Variants in NAF1 observed in about 807,000 individuals in gnomAD.
NAF1 encodes nuclear assembly factor 1 ribonucleoprotein, also known as H/ACA ribonucleoprotein complex non-core subunit NAF1.
NAF1 carries 11 observed loss-of-function variants against 40.6 expected under a neutral mutation model. The ratio of observed to expected loss-of-function variants is 0.27; its 90% CI spans 0.17 to 0.45. The LOEUF is 0.45. Ranked by LOEUF, NAF1 falls within the 20% of genes least tolerant of loss-of-function variation. NAF1 has a pLI of 1.00. For synonymous variants in NAF1, 260 were observed against 228.5 expected (o/e 1.14, Z -1.24); for missense variants, 607 against 611.1 (o/e 0.99, Z 0.07).
At chr4:163,116,823 AC>A (rs1199680976) in intron 2 of NAF1, among the ~76,000 whole-genome samples, 2 of 151,976 alleles carry the variant, frequency 1.3e-5, no homozygotes, top group Non-Finnish European at 2.9e-5. Flanking sequence ...TTTTTCAGGG[AC>A]GACCACCCTA....
intron 5 of NAF1, among the ~76,000 whole-genome samples, chr4:163,138,750 A>G (rs1380169142): frequency 6.6e-6 from 1 of 152,156 alleles, no homozygotes; most frequent in South Asian, 2.1e-4. Flanking sequence ...CCAAAGACTG[A>G]GTCTATTATC....
At chr4:163,122,453 G>A (rs965556662), downstream of NAF1, among the ~76,000 whole-genome samples, 1 of 152,146 alleles carries the variant, frequency 6.6e-6, no homozygotes, top group Non-Finnish European at 1.5e-5. Flanking sequence ...CCTGTACACA[G>A]GCACCATGGT....
At chr4:163,165,638 G>T (rs1560812382) in intron 1 of NAF1, among the ~76,000 whole-genome samples, 1 of 152,016 alleles carries the variant, frequency 6.6e-6, no homozygotes, top group Non-Finnish European at 1.5e-5. Context: ...CTCAACACGT[G>T]TCTATCTTGT....
Position 163,164,276 on chromosome 4 carries a change from G to A in NAF1, c.481C>T (p.Gln161Ter). The A allele has an allele frequency of 6.3e-7, 1 of 1,585,380 alleles. No individual in the cohort carries two copies. Among genetic ancestry groups the A allele is most frequent in the Non-Finnish European group, 8.6e-7 (1 of 1,169,520 alleles). ...AAATTCTTATTTTCCTTCTCAATTTGTAAATCATCATCTCCATCTGACAGC... is the reference window on the plus strand; with the variant it reads ...AAATTCTTATTTTCCTTCTCAATTTATAAATCATCATCTCCATCTGACAGC... ...PVLSDGDDDL[Q>*]IEKENKNFPL... The change falls in exon 2 of 8, where the codon CAA becomes TAA. Residue 161 changes from glutamine to a stop codon, truncating the protein, a stop_gained. Coordinates refer to ENST00000274054, the MANE Select transcript of NAF1 (RefSeq NM_138386.3). LOFTEE classifies it high-confidence loss of function.
downstream of NAF1, among the ~76,000 whole-genome samples, chr4:163,127,287 G>A (rs769268040): frequency 1.1e-4 from 16 of 151,804 alleles, no homozygotes; most frequent in East Asian, 9.7e-4. Context: ...GTGCCACCAC[G>A]CTCGGCTAAT....
downstream of NAF1, among the ~76,000 whole-genome samples, chr4:163,126,311 T>C (rs565164808): frequency 4.5e-4 from 69 of 152,318 alleles, 2 homozygotes; most frequent in South Asian, 0.011. Flanking sequence ...ATTAAGAACA[T>C]TGATGATTTA....
At chr4:163,143,958 AC>A (rs1731360175) in intron 4 of NAF1, 1 of 851,606 alleles carries the variant, frequency 1.2e-6, no homozygotes, top group Non-Finnish European at 1.4e-6. Context: ...TGTGTGTATT[AC>A]TGTATCATAA....
downstream of NAF1, among the ~76,000 whole-genome samples, chr4:163,124,428 A>G (rs562620080): frequency 8.0e-4 from 104 of 129,282 alleles, no homozygotes; most frequent in African/African-American, 2.5e-3. Context: ...ACATAAGTGC[A>G]GAGCCCTCAT....
chr4:163,143,579 T>C (rs1393833821), intron 4 of NAF1, among the ~76,000 whole-genome samples: 1 of 152,186 alleles, frequency 6.6e-6, no homozygotes, highest in Non-Finnish European at 1.5e-5. Flanking sequence ...TAGAGGGGGC[T>C]AGGTAACTCC....
chr4:163,112,069 A>C (rs1193491056), intron 2 of NAF1, among the ~76,000 whole-genome samples: 2 of 152,120 alleles, frequency 1.3e-5, no homozygotes, highest in African/African-American at 4.8e-5. Context: ...TGAGATTATT[A>C]ATAATTTTGC....
downstream of NAF1, among the ~76,000 whole-genome samples, chr4:163,106,988 C>A (rs774682631): frequency 4.4e-4 from 67 of 151,266 alleles, 1 homozygote; most frequent in Admixed American, 5.9e-4. Context: ...TAATTTGAGG[C>A]TTTCTTTTTT....
downstream of NAF1, among the ~76,000 whole-genome samples, chr4:163,123,342 A>T (rs1326186952): frequency 1.3e-5 from 2 of 152,180 alleles, no homozygotes; most frequent in Non-Finnish European, 2.9e-5. Context: ...TTTCAACACA[A>T]GATTTGGAGG....
chr4:163,106,142 T>C (rs1730047298), downstream of NAF1, among the ~76,000 whole-genome samples: 1 of 152,146 alleles, frequency 6.6e-6, no homozygotes, highest in Non-Finnish European at 1.5e-5. Context: ...GAGACCACTA[T>C]TGACAGTTAT....
intron 2 of NAF1, chr4:163,157,190 CA>C (rs1242433031): frequency 6.6e-6 from 1 of 151,742 alleles, no homozygotes; most frequent in Non-Finnish European, 1.5e-5. Flanking sequence ...TATTGAGAGG[CA>C]ATATAATCCA....
At chr4:163,109,489 A>C (rs1338499983), downstream of NAF1, among the ~76,000 whole-genome samples, 10 of 152,162 alleles carry the variant, frequency 6.6e-5, no homozygotes, top group Admixed American at 5.9e-4. Context: ...ATTTATTAAA[A>C]ATCCTTTATT....
chr4:163,106,622 T>C (rs1052990277), downstream of NAF1, among the ~76,000 whole-genome samples: 3 of 152,202 alleles, frequency 2.0e-5, no homozygotes, highest in African/African-American at 7.2e-5. Flanking sequence ...TGCCCACTTG[T>C]TTCTTATATT....
At chr4:163,133,304 A>G (rs1730939236) in intron 6 of NAF1, 48 bp from the exon 7 acceptor site, 1 of 1,418,526 alleles carries the variant, frequency 7.0e-7, no homozygotes, top group South Asian at 1.2e-5. Flanking sequence ...GAATTTGCCA[A>G]TTCAATAGTA....
At chr4:163,141,565 A>G (rs1731262822) in intron 4 of NAF1, among the ~76,000 whole-genome samples, 1 of 152,152 alleles carries the variant, frequency 6.6e-6, no homozygotes, top group Non-Finnish European at 1.5e-5. Context: ...ACTCAGGACA[A>G]CTTACTTAAC....
At chr4:163,123,494 G>A (rs987963961), downstream of NAF1, among the ~76,000 whole-genome samples, 8 of 152,048 alleles carry the variant, frequency 5.3e-5, no homozygotes, top group Non-Finnish European at 8.8e-5. Context: ...TGATCTTCCT[G>A]CCTCAGCCAC....
Sources: gnomAD v4.1 joint callset for allele counts (sites outside exome capture counted in the v4.1 genomes callset) on GRCh38, gnomAD v4.1.1 for gene constraint, MANE v1.5 for transcripts, NCBI Gene and HGNC (gene_info 2026-07-23, HGNC 2026-07-21) for gene names.